Variants in CEP128 observed in about 807,000 individuals in gnomAD.
CEP128 encodes centrosomal protein 128.
CEP128 carries 132 observed loss-of-function variants against 156.7 expected under a neutral mutation model. The ratio of observed to expected loss-of-function variants is 0.84; its 90% confidence interval spans 0.73 to 0.97. The LOEUF (loss-of-function observed/expected upper bound fraction) is 0.97. CEP128 is among the 50% of genes least tolerant of loss of function. CEP128 has a pLI of 0.00. For synonymous variants in CEP128, 469 were observed against 448.9 expected (o/e 1.04, Z -0.57); for missense variants, 1,252 against 1,281.9 (o/e 0.98, Z 0.36).
At chr14:80,556,311 A>G (rs912201593) in intron 21 of CEP128, among the ~76,000 whole-genome samples, 2 of 152,164 alleles carry the variant, frequency 1.3e-5, no homozygotes, top group Admixed American at 1.3e-4. Flanking sequence ...ATTTCTCACA[A>G]CTACTGGACT....
intron 7 of CEP128, among the ~76,000 whole-genome samples, chr14:80,898,346 A>G (rs1487160919): frequency 1.3e-5 from 2 of 152,212 alleles, no homozygotes; most frequent in Non-Finnish European, 2.9e-5. Flanking sequence ...GGCATCCAGA[A>G]ATTTTACACA....
chr14:80,907,657 C>CAAAAAA (rs67715110), intron 4 of CEP128, among the ~76,000 whole-genome samples: 2 of 64,622 alleles, frequency 3.1e-5, no homozygotes, highest in African/African-American at 5.8e-5. Flanking sequence ...GACTCTGTTT[C>CAAAAAA]AAAAAAAAAA....
At chr14:80,608,348 G>C (rs114360339) in intron 19 of CEP128, among the ~76,000 whole-genome samples, 1 of 152,202 alleles carries the variant, frequency 6.6e-6, no homozygotes, top group African/African-American at 2.4e-5. Flanking sequence ...CACATAGGAA[G>C]TGCTCAGTAA....
At chr14:80,595,787 A>G (rs1365232943) in intron 19 of CEP128, among the ~76,000 whole-genome samples, 1 of 152,174 alleles carries the variant, frequency 6.6e-6, no homozygotes, top group African/African-American at 2.4e-5. Context: ...ATGGCTGGGG[A>G]GGCCTCACAA....
chr14:80,497,286 G>A lies in CEP128; in HGVS notation c.*193C>T, dbSNP rs1263577353. 5.9e-6 allele frequency: 3 copies of A among 510,844 alleles called. No homozygotes were observed. The African/African-American group carries it at 5.9e-5, about 10-fold the overall frequency. The allele number at this position is 510,844 out of a possible 1,614,324, so 31.6% of individuals were successfully genotyped here. A position where few individuals can be genotyped will look rare whatever the true frequency, so the allele number is the denominator to read the frequency against. On this transcript the variant is annotated 3_prime_UTR_variant, in exon 25 of 25. Coordinates refer to ENST00000555265, the MANE Select transcript of CEP128 (RefSeq NM_152446.5). ...AATAAATTAGCTGCACATCATTCAT[G>A]ATCTGATATTATTTGGATTGGTTTA...
rs117835705 is a variant in CEP128, at chr14:80,778,908, T to C, written c.2212-862A>G. 8.7e-3 allele frequency among the ~76,000 whole-genome samples: 1,327 copies of C among 152,262 alleles called. 15 individuals carry two copies. The highest frequency in any genetic ancestry group is 0.014 in the Non-Finnish European group (954 of 68,014). On this transcript the variant is annotated intron_variant, in intron 15 of 24. Transcript: ENST00000555265. ...CTCGTAACAACCTGTGAGAATCAAA[T>C]AAGGTATTATGATTGTCCTTATTCC...
Position 80,497,414 on chromosome 14 carries a change from T to C in CEP128, c.*65A>G. On this transcript the variant is annotated 3_prime_UTR_variant, in exon 25 of 25. Transcript: ENST00000555265. ...TGTTAGATAATCTGGGCCAAATTGCTGTAAGAATAGAGATGTTATTATTTG... is the reference window on the plus strand; with the variant it reads ...TGTTAGATAATCTGGGCCAAATTGCCGTAAGAATAGAGATGTTATTATTTG... 2.7e-6 allele frequency: 3 copies of C among 1,111,928 alleles called. No individual in the cohort carries two copies. The highest frequency in any genetic ancestry group is 4.0e-6 in the Non-Finnish European group (3 of 749,362). The allele number at this position is 1,111,928 out of a possible 1,614,324, so 68.9% of individuals were successfully genotyped here.
chr14:80,743,188 C>T lies in CEP128; in HGVS notation c.2693G>A (p.Cys898Tyr). ...AGTCAAATTCCTGAGTTGTTGTCTG[C>T]AGAGCATCAGCTGGTGTCGCAGATT... ...EKNLRHQLML[C>Y]RQQLRNLTEN... The change falls in exon 19 of 25, where the codon TGC (cysteine) becomes TAC (tyrosine). Residue 898 changes from cysteine to tyrosine, a missense_variant. Physicochemically the swap from Cys to Tyr is radical, Grantham distance 194 (BLOSUM62 -2). Transcript: ENST00000555265. The T allele has an allele frequency of 1.2e-6, 2 of 1,613,686 alleles. No homozygotes were observed. The highest frequency in any genetic ancestry group is 2.2e-5 in the East Asian group (1 of 44,862).
chr14:80,716,803 G>A (rs767007759), intron 19 of CEP128, among the ~76,000 whole-genome samples: 11 of 152,150 alleles, frequency 7.2e-5, no homozygotes, highest in Non-Finnish European at 1.6e-4. Context: ...TTAAGTAACT[G>A]ACAGACTGTT....
At chr14:80,485,866 A>G (rs904508865), downstream of CEP128, among the ~76,000 whole-genome samples, 17 of 152,224 alleles carry the variant, frequency 1.1e-4, no homozygotes, top group African/African-American at 4.1e-4. Context: ...CAGCAGGTGG[A>G]ATAAAATGCA....
At chr14:80,719,636 T>A (rs1159727034) in intron 19 of CEP128, among the ~76,000 whole-genome samples, 2 of 152,070 alleles carry the variant, frequency 1.3e-5, no homozygotes, top group Admixed American at 6.6e-5. Flanking sequence ...TCCATGTGGG[T>A]AAGGAAACAG....
intron 14 of CEP128, among the ~76,000 whole-genome samples, chr14:80,786,640 G>A (rs916825898): frequency 2.6e-5 from 4 of 152,256 alleles, no homozygotes; most frequent in East Asian, 1.9e-4. Context: ...GTTCAATCAC[G>A]GGCAATTCTA....
intron 13 of CEP128, among the ~76,000 whole-genome samples, chr14:80,819,283 G>A (rs1353745876): frequency 8.8e-6 from 1 of 113,838 alleles, no homozygotes; most frequent in Non-Finnish European, 1.6e-5. Flanking sequence ...GTCTCACTCT[G>A]TCACCCAGGC....
rs763864395 is a variant in CEP128, at chr14:80,504,941, AGGAAG to A, written c.3147_3151del (p.Phe1050ValfsTer2). 12 of 1,592,872 alleles carry A rather than the reference AGGAAG, an allele frequency of 7.5e-6. No homozygotes were observed. In the South Asian group the frequency reaches 1.2e-4, roughly 16 times the overall value. The stretch of plus-strand genomic sequence containing the variant: ...CACGTATGAAAATCTTGGACTAGAC[AGGAAG>A]CGACTGTGATCCTGCCAAGAGGATG... On this transcript the variant is annotated frameshift_variant, in exon 24 of 25. Coordinates refer to ENST00000555265, the MANE Select transcript of CEP128 (RefSeq NM_152446.5). LOFTEE classifies it high-confidence loss of function.
chr14:80,490,808 T>C (rs1038236607), intron 6 of CEP128: 1 of 152,194 alleles, frequency 6.6e-6, no homozygotes, highest in South Asian at 2.1e-4. Flanking sequence ...CATATTTTTG[T>C]TTTGGGATAG....
intron 19 of CEP128, among the ~76,000 whole-genome samples, chr14:80,658,520 C>A (rs960867973): frequency 1.3e-5 from 2 of 152,184 alleles, no homozygotes; most frequent in South Asian, 2.1e-4. Flanking sequence ...TGGACCCCAG[C>A]AGCTTACATA....
chr14:80,916,185 C>G (rs187756067), intron 3 of CEP128, among the ~76,000 whole-genome samples: 137 of 152,248 alleles, frequency 9.0e-4, no homozygotes, highest in African/African-American at 3.2e-3. Flanking sequence ...CTTAGAGCCT[C>G]CAGAGAGGAA....
At chr14:80,731,788 A>C (rs1332214145) in intron 19 of CEP128, among the ~76,000 whole-genome samples, 1 of 152,204 alleles carries the variant, frequency 6.6e-6, no homozygotes, top group African/African-American at 2.4e-5. Context: ...CAAATATACT[A>C]GTTTCAAAAA....
intron 8 of CEP128, among the ~76,000 whole-genome samples, chr14:80,866,218 C>T (rs1397499261): frequency 6.6e-6 from 1 of 152,090 alleles, no homozygotes; most frequent in East Asian, 1.9e-4. Context: ...CCCATCCCAA[C>T]ACCAGGCAGA....
Sources: gnomAD v4.1 joint callset for allele counts (sites outside exome capture counted in the v4.1 genomes callset) on GRCh38, gnomAD v4.1.1 for gene constraint, MANE v1.5 for transcripts, NCBI Gene and HGNC (gene_info 2026-07-23, HGNC 2026-07-21) for gene names.